SCTR: variants seen among roughly 807,000 people sequenced by gnomAD.
SCTR encodes secretin receptor, also known as pancreatic secretin receptor.
In SCTR, 56 loss-of-function variants were observed where a neutral mutation model predicts 60.8. That is an observed-to-expected ratio of 0.92 (90% CI 0.74 to 1.15). SCTR has a LOEUF of 1.15. Ranked by LOEUF, SCTR falls within the 50% of genes most tolerant of loss-of-function variation. SCTR has a pLI of 0.00. For synonymous variants in SCTR, 202 were observed against 217.0 expected (o/e 0.93, Z 0.61); for missense variants, 562 against 550.4 (o/e 1.02, Z -0.21).
chr2:119,448,848 TC>T, intron 9 of SCTR, 68 bp from the exon 10 acceptor site: 2 of 846,572 alleles, frequency 2.4e-6, no homozygotes, highest in Non-Finnish European at 3.9e-6. Context: ...CCTGGCCCTG[TC>T]CCCTGGACCT....
chr2:119,492,818 AT>A (rs1678186645), intron 2 of SCTR, among the ~76,000 whole-genome samples: 1 of 147,644 alleles, frequency 6.8e-6, no homozygotes, highest in African/African-American at 2.5e-5. Flanking sequence ...GTGTTCCTTT[AT>A]TTTACTTTTT....
chr2:119,505,179 G>A (rs1678693684), intron 1 of SCTR, among the ~76,000 whole-genome samples: 1 of 151,958 alleles, frequency 6.6e-6, no homozygotes, highest in African/African-American at 2.4e-5. Flanking sequence ...CCCATTACTG[G>A]GTATATACTC....
At chr2:119,497,832 CAG>C (rs1199666066) in intron 1 of SCTR, among the ~76,000 whole-genome samples, 1 of 151,940 alleles carries the variant, frequency 6.6e-6, no homozygotes, top group Non-Finnish European at 1.5e-5. Flanking sequence ...ACCTGAACAA[CAG>C]AGAGAAAATA....
intron 1 of SCTR, among the ~76,000 whole-genome samples, chr2:119,517,884 C>T (rs552870195): frequency 1.3e-5 from 2 of 152,216 alleles, no homozygotes; most frequent in South Asian, 2.1e-4. Flanking sequence ...ATGTTGAAGC[C>T]CTACCCCCAG....
At chr2:119,453,636 C>T (rs929575362) in intron 7 of SCTR, among the ~76,000 whole-genome samples, 6 of 152,194 alleles carry the variant, frequency 3.9e-5, no homozygotes, top group African/African-American at 1.2e-4. Context: ...AGGACCACTG[C>T]AAAGTATAGA....
chr2:119,442,789 CT>C (rs1682704742), intron 11 of SCTR, among the ~76,000 whole-genome samples: 1 of 152,130 alleles, frequency 6.6e-6, no homozygotes, highest in Non-Finnish European at 1.5e-5. Flanking sequence ...GCATCAGCAG[CT>C]TTTAAAGATC....
Position 119,446,831 on chromosome 2 carries a change from G to T in SCTR, c.1068C>A (p.Ile356=). The T allele has an allele frequency of 6.3e-7, 1 of 1,582,958 alleles. No homozygotes were observed. The part of the protein sequence containing the change: ...LLIPLFGIHY[I]VFAFSPEDAM... ...CGTCCTCTGGGGAGAAGGCGAAGACGATGTAGTGGATGCCAAAGAGGGGGA... is the reference window on the plus strand; with the variant it reads ...CGTCCTCTGGGGAGAAGGCGAAGACTATGTAGTGGATGCCAAAGAGGGGGA... The change falls in exon 11 of 13, where the codon ATC becomes ATA. Residue 356 remains isoleucine (I), a synonymous_variant. Transcript: ENST00000019103.
At chr2:119,456,137 T>C (rs1683368688) in intron 7 of SCTR, among the ~76,000 whole-genome samples, 1 of 150,772 alleles carries the variant, frequency 6.6e-6, no homozygotes, top group Admixed American at 6.6e-5. Flanking sequence ...CTCAGCTCTC[T>C]GCAACCTCCA....
intron 2 of SCTR, among the ~76,000 whole-genome samples, chr2:119,485,533 G>C (rs1364487980): frequency 6.6e-5 from 10 of 152,214 alleles, no homozygotes; most frequent in Non-Finnish European, 1.2e-4. Flanking sequence ...CAGATGGCCT[G>C]ATAAAAACCT....
intron 1 of SCTR, among the ~76,000 whole-genome samples, chr2:119,516,165 C>T (rs553463190): frequency 6.6e-6 from 1 of 152,220 alleles, no homozygotes; most frequent in South Asian, 2.1e-4. Flanking sequence ...GGAGCTTCCT[C>T]AAAAAAATTC....
intron 4 of SCTR, among the ~76,000 whole-genome samples, chr2:119,468,369 G>A (rs1240537363): frequency 6.6e-6 from 1 of 152,202 alleles, no homozygotes; most frequent in Non-Finnish European, 1.5e-5. Flanking sequence ...AAGAACACAG[G>A]CTTCAGAGCC....
intron 1 of SCTR, among the ~76,000 whole-genome samples, chr2:119,518,964 G>T (rs2579614): frequency 0.22 from 33,868 of 151,992 alleles, 4,785 homozygotes; most frequent in East Asian, 0.77. Flanking sequence ...GCCAAAGCAG[G>T]TGGACTCCCC....
At chr2:119,499,463 G>A (rs1678458789) in intron 1 of SCTR, among the ~76,000 whole-genome samples, 1 of 151,790 alleles carries the variant, frequency 6.6e-6, no homozygotes, top group Non-Finnish European at 1.5e-5. Flanking sequence ...ATCATGTTGT[G>A]GGCCATAAAA....
chr2:119,446,668 A>C (rs1483648458), intron 11 of SCTR, 91 bp downstream of exon 11: 2 of 1,238,404 alleles, frequency 1.6e-6, no homozygotes, highest in African/African-American at 1.5e-5. Context: ...CAGATAAGGC[A>C]TCTGGCTCGC....
At chr2:119,478,547 C>T (rs1035411375) in intron 3 of SCTR, among the ~76,000 whole-genome samples, 6 of 152,172 alleles carry the variant, frequency 3.9e-5, no homozygotes, top group African/African-American at 1.4e-4. Flanking sequence ...AGCTGAAGGG[C>T]CTGGGGAAGA....
At chr2:119,452,361 C>T (rs538005825) in intron 8 of SCTR, among the ~76,000 whole-genome samples, 9 of 152,252 alleles carry the variant, frequency 5.9e-5, no homozygotes, top group Middle Eastern at 3.4e-3. Flanking sequence ...CCAGCGAGCA[C>T]GGTGGCAAAC....
chr2:119,511,945 G>A (rs1678959294), intron 1 of SCTR, among the ~76,000 whole-genome samples: 1 of 151,934 alleles, frequency 6.6e-6, no homozygotes, highest in South Asian at 2.1e-4. Context: ...TTCTTGTATT[G>A]TTAATAAGAA....
In SCTR at chr2:119,464,119, T is replaced by C. The variant is rs1683728349; in HGVS notation, c.636+4A>G. On this transcript the variant is annotated splice_donor_region_variant and intron_variant, in intron 6 of 12. Coordinates refer to ENST00000019103, the MANE Select transcript of SCTR (RefSeq NM_002980.3). Reference sequence around the variant, plus strand: ...CGACATCCTGGGGCACCCAGACATATTACCCTGTGGGCATCGCAGTAGGTG... The same window carrying C: ...CGACATCCTGGGGCACCCAGACATACTACCCTGTGGGCATCGCAGTAGGTG... 6.2e-7 allele frequency: 1 copy of C among 1,613,928 alleles called. No individual in the cohort carries two copies. Among genetic ancestry groups the C allele is most frequent in the African/African-American group, 1.3e-5 (1 of 74,932 alleles).
intron 7 of SCTR, among the ~76,000 whole-genome samples, chr2:119,456,102 G>A (rs1256378496): frequency 5.7e-5 from 7 of 122,080 alleles, no homozygotes; most frequent in African/African-American, 2.3e-4. Flanking sequence ...GTCTCACTCT[G>A]TTGCCCAGGC....
Sources: gnomAD v4.1 joint callset for allele counts (sites outside exome capture counted in the v4.1 genomes callset) on GRCh38, gnomAD v4.1.1 for gene constraint, MANE v1.5 for transcripts, NCBI Gene and HGNC (gene_info 2026-07-23, HGNC 2026-07-21) for gene names.